The following ARHGAP32 variants were observed in gnomAD, a reference collection of about 807,000 sequenced individuals.
ARHGAP32 encodes Rho GTPase activating protein 32.
Under a neutral mutation model 186.5 loss-of-function variants are expected in ARHGAP32, and 51 were observed. The ratio of observed to expected loss-of-function variants is 0.27; its 90% CI spans 0.22 to 0.35. The LOEUF (loss-of-function observed/expected upper bound fraction) is 0.35. Ranked by LOEUF, ARHGAP32 falls within the 10% of genes least tolerant of loss-of-function variation. The pLI, the probability that ARHGAP32 is intolerant of heterozygous loss-of-function variation, is 1.00. For synonymous variants in ARHGAP32, 950 were observed against 964.3 expected, an observed-to-expected ratio of 0.99 and a Z score of 0.27; for missense variants, 2,186 against 2,623.5, an observed-to-expected ratio of 0.83 and a Z score of 3.64.
At chr11:129,110,810 T>C (rs1942191288) in intron 5 of ARHGAP32, among the ~76,000 whole-genome samples, 1 of 152,332 alleles carries the variant, frequency 6.6e-6, no homozygotes, top group African/African-American at 2.4e-5. Context: ...AATTTATTTA[T>C]CAGATCAAAA....
At chr11:129,073,329 A>T (rs1940930088) in intron 6 of ARHGAP32, among the ~76,000 whole-genome samples, 1 of 152,230 alleles carries the variant, frequency 6.6e-6, no homozygotes, top group South Asian at 2.1e-4. Flanking sequence ...AACATGATTA[A>T]TCTGCTAAAA....
At chr11:129,086,634 G>A (rs10893974) in intron 6 of ARHGAP32, among the ~76,000 whole-genome samples, 26,436 of 151,786 alleles carry the variant, frequency 0.17, 2,875 homozygotes, top group Non-Finnish European at 0.24. Flanking sequence ...ATCCCGGCTA[G>A]CACGGTGAAA....
intron 2 of ARHGAP32, among the ~76,000 whole-genome samples, chr11:129,147,993 T>C (rs1943204146): frequency 6.6e-6 from 1 of 152,180 alleles, no homozygotes; most frequent in African/African-American, 2.4e-5. Context: ...CAGCATACTA[T>C]AAGAAGTGAA....
At chr11:129,166,082 T>C (rs1943634310) in intron 1 of ARHGAP32, among the ~76,000 whole-genome samples, 1 of 151,820 alleles carries the variant, frequency 6.6e-6, no homozygotes, top group Non-Finnish European at 1.5e-5. Context: ...AACTGAAAAA[T>C]ACAGTATCTG....
At chr11:129,042,604 G>C (rs932438109) in intron 10 of ARHGAP32, among the ~76,000 whole-genome samples, 1 of 152,056 alleles carries the variant, frequency 6.6e-6, no homozygotes, top group African/African-American at 2.4e-5. Context: ...GGTTAACAGC[G>C]TAGCCTCAAG....
intron 10 of ARHGAP32, among the ~76,000 whole-genome samples, chr11:129,042,260 C>T (rs915782712): frequency 6.6e-6 from 1 of 152,176 alleles, no homozygotes; most frequent in Admixed American, 6.5e-5. Context: ...AAACAATTCT[C>T]GCACCTCAGC....
At chr11:128,989,049 C>G (rs146106893) in intron 12 of ARHGAP32, among the ~76,000 whole-genome samples, 138 of 152,232 alleles carry the variant, frequency 9.1e-4, no homozygotes, top group African/African-American at 3.3e-3. Flanking sequence ...ATGAAACATT[C>G]AGAGTGGCAA....
At chr11:129,208,059 T>C (rs1441184018) in intron 1 of ARHGAP32, among the ~76,000 whole-genome samples, 1 of 152,178 alleles carries the variant, frequency 6.6e-6, no homozygotes, top group Non-Finnish European at 1.5e-5. Flanking sequence ...CCACCTAGTA[T>C]GTTTGCCACT....
chr11:128,972,292 G>A, intron 22 of ARHGAP32, 161 bp downstream of exon 22: 3 of 697,798 alleles, frequency 4.3e-6, no homozygotes, highest in Non-Finnish European at 6.5e-6. Context: ...TCAAGGTAAT[G>A]GCAGACTCCA....
chr11:129,086,017 C>CAAAAAA (rs60940372), intron 6 of ARHGAP32, among the ~76,000 whole-genome samples: 8 of 127,892 alleles, frequency 6.3e-5, no homozygotes, highest in African/African-American at 8.6e-5. Context: ...AACAAACAAA[C>CAAAAAA]AAAAAAAAAA....
chr11:129,127,530 G>A (rs1942691035), intron 2 of ARHGAP32, among the ~76,000 whole-genome samples: 1 of 139,836 alleles, frequency 7.2e-6, no homozygotes, highest in African/African-American at 2.8e-5. Flanking sequence ...AACATAACAA[G>A]GTTTTGTCAT....
At chr11:129,004,039 C>A (rs933464978) in intron 11 of ARHGAP32, among the ~76,000 whole-genome samples, 1 of 151,620 alleles carries the variant, frequency 6.6e-6, no homozygotes, top group East Asian at 1.9e-4. Flanking sequence ...TTATTGTATC[C>A]CATAGGTTTT....
chr11:129,016,561 T>C (rs755735732), intron 11 of ARHGAP32, among the ~76,000 whole-genome samples: 2 of 152,246 alleles, frequency 1.3e-5, no homozygotes, highest in Non-Finnish European at 2.9e-5. Flanking sequence ...AAAATGCATA[T>C]AGCATGTAAG....
rs369205478 is a variant in ARHGAP32, at chr11:129,219,359, T to A, written c.-4-54932A>T. On this transcript the variant is annotated intron_variant, in intron 1 of 6. Coordinates refer to the ARHGAP32 transcript ENST00000525234. ...ATCAATGATAAAAATGGTTATGAAT[T>A]TACAAAGCATATCTTTTCCTTCCAT... Among the ~76,000 whole-genome samples the A allele has an allele frequency of 2.9e-4, 44 of 152,308 alleles. 1 individual carries two copies. In the South Asian group the frequency reaches 8.1e-3, roughly 28 times the overall value.
intron 5 of ARHGAP32, among the ~76,000 whole-genome samples, chr11:129,100,931 GT>G (rs970743021): frequency 1.3e-5 from 2 of 152,204 alleles, no homozygotes; most frequent in Non-Finnish European, 2.9e-5. Flanking sequence ...TGCAGCTGCT[GT>G]TACAAGGATG....
At chr11:129,241,502 C>T (rs1945017216) in intron 1 of ARHGAP32, among the ~76,000 whole-genome samples, 1 of 151,762 alleles carries the variant, frequency 6.6e-6, no homozygotes, top group Admixed American at 6.6e-5. Flanking sequence ...AAAAATTAGC[C>T]GGGTGTGTTG....
rs759490706 is a variant in ARHGAP32 at position 129,062,308 on chromosome 11, G to A, written c.935C>T (p.Thr312Ile). 1 of 1,613,620 alleles carries A rather than the reference G, an allele frequency of 6.2e-7. No individual in the cohort carries two copies. Among genetic ancestry groups the A allele is most frequent in the South Asian group, 1.1e-5 (1 of 91,040 alleles). Reference protein sequence around the residue: ...VIDMPPKVLSTWWRGKHGFQV... With the variant: ...VIDMPPKVLSIWWRGKHGFQV... ...GAATCCGTGCTTGCCTCTCCACCAT[G>A]TGCTTAACACTTTCGGGGGCATGTC... is the stretch of plus-strand genomic sequence containing the variant. Residue 312 changes from threonine (T) to isoleucine (I), a missense_variant, in exon 10 of 23, where the codon ACA becomes ATA. Around this residue, in one of 5 missense-constraint regions of ARHGAP32, gnomAD observed 308 missense variants for 596.5 expected, o/e 0.52. Transcript: ENST00000682385.
intron 1 of ARHGAP32, among the ~76,000 whole-genome samples, chr11:129,202,604 C>G (rs1255314008): frequency 6.6e-6 from 1 of 152,128 alleles, no homozygotes; most frequent in Non-Finnish European, 1.5e-5. Context: ...ATCTCAGAAT[C>G]ATGAAATAAA....
chr11:129,193,688 A>T (rs1390547632), upstream of ARHGAP32, among the ~76,000 whole-genome samples: 100 of 33,324 alleles, frequency 3.0e-3, no homozygotes, highest in Admixed American at 0.04. Context: ...TATAATATAT[A>T]TTATATAATA....
Sources: gnomAD v4.1 joint callset for allele counts (sites outside exome capture counted in the v4.1 genomes callset) on GRCh38, gnomAD v4.1.1 for gene constraint, gnomAD v4.1.1 regional missense constraint, MANE v1.5 for transcripts, NCBI Gene and HGNC (gene_info 2026-07-23, HGNC 2026-07-21) for gene names.